The following GPATCH2 variants were observed in gnomAD, a reference collection of about 807,000 sequenced individuals.
GPATCH2 encodes the protein G-patch domain containing 2.
In GPATCH2, 51 loss-of-function variants were observed where a neutral mutation model predicts 58.0. The observed-to-expected ratio is 0.88, with a 90% CI of 0.70 to 1.11. The LOEUF (loss-of-function observed/expected upper bound fraction) is 1.11, where lower values mean the gene tolerates loss of function less well. Ranked by LOEUF, GPATCH2 falls within the 50% of genes most tolerant of loss-of-function variation. GPATCH2 has a pLI of 0.00. For missense variants in GPATCH2, 625 were observed against 652.2 expected (o/e 0.96, Z 0.45); for synonymous variants, 222 against 218.5 (o/e 1.02, Z -0.14).
chr1:217,518,671 T>C (rs952737861), intron 5 of GPATCH2, among the ~76,000 whole-genome samples: 2 of 152,242 alleles, frequency 1.3e-5, no homozygotes, highest in Non-Finnish European at 2.9e-5. Context: ...TTCTCAATGA[T>C]TGAGATTCCT....
intron 8 of GPATCH2, among the ~76,000 whole-genome samples, chr1:217,486,772 A>G (rs1417796569): frequency 3.3e-5 from 5 of 152,208 alleles, no homozygotes; most frequent in African/African-American, 9.7e-5. Flanking sequence ...AACCACAGTC[A>G]TCACACCCCA....
chr1:217,510,930 T>TA (rs1420464485), intron 6 of GPATCH2, among the ~76,000 whole-genome samples: 3 of 151,468 alleles, frequency 2.0e-5, no homozygotes, highest in Non-Finnish European at 4.4e-5. Context: ...CTGTATCCAC[T>TA]AAAAAAATAC....
At chr1:217,595,379 A>G (rs761736894) in intron 5 of GPATCH2, among the ~76,000 whole-genome samples, 6 of 152,240 alleles carry the variant, frequency 3.9e-5, no homozygotes, top group Non-Finnish European at 8.8e-5. Context: ...TGTTTTCAAA[A>G]GTAACATTCA....
chr1:217,571,936 AAAG>A (rs1666574937), intron 5 of GPATCH2, among the ~76,000 whole-genome samples: 1 of 149,634 alleles, frequency 6.7e-6, no homozygotes, highest in African/African-American at 2.5e-5. Flanking sequence ...ACAAAAGAAG[AAAG>A]AAAGAAAAGG....
rs376448144 is a variant in GPATCH2 at position 217,527,739 on chromosome 1, G to C, written c.1099-12850C>G. On this transcript the variant is annotated intron_variant, in intron 5 of 9. Transcript: ENST00000366935. ...CTATTAAATTCTACATTTAGTCCTAGAAAACAACAAGTCATTTGGTGGACC... is the reference window on the plus strand; with the variant it reads ...CTATTAAATTCTACATTTAGTCCTACAAAACAACAAGTCATTTGGTGGACC... Among the ~76,000 whole-genome samples the C allele has an allele frequency of 5.9e-5, 9 of 152,202 alleles. No homozygotes were observed. In the East Asian group the frequency reaches 1.7e-3, roughly 29 times the overall value.
At chr1:217,529,389 G>C (rs1204731863) in intron 5 of GPATCH2, among the ~76,000 whole-genome samples, 1 of 152,144 alleles carries the variant, frequency 6.6e-6, no homozygotes, top group African/African-American at 2.4e-5. Context: ...CCCTCTGCAT[G>C]GTAGTGAGTT....
At chr1:217,572,171 G>A (rs1666597344) in intron 5 of GPATCH2, among the ~76,000 whole-genome samples, 1 of 152,006 alleles carries the variant, frequency 6.6e-6, no homozygotes, top group Admixed American at 6.6e-5. Context: ...TATCTTACAG[G>A]CAAAAAGACT....
At chr1:217,496,627 A>T (rs1314897507) in intron 7 of GPATCH2, among the ~76,000 whole-genome samples, 4 of 152,200 alleles carry the variant, frequency 2.6e-5, no homozygotes, top group Non-Finnish European at 4.4e-5. Context: ...CATGAGTTAT[A>T]ATGCTGTTGG....
intron 5 of GPATCH2, among the ~76,000 whole-genome samples, chr1:217,539,629 T>C (rs1664635199): frequency 6.6e-6 from 1 of 152,238 alleles, no homozygotes; most frequent in African/African-American, 2.4e-5. Context: ...GATGAGTTAA[T>C]GCAAAGGTCA....
chr1:217,532,877 C>CTTTTTT, intron 5 of GPATCH2, among the ~76,000 whole-genome samples: 1 of 134,312 alleles, frequency 7.4e-6, no homozygotes, highest in East Asian at 2.2e-4. Flanking sequence ...TGCTCTTTAT[C>CTTTTTT]TTTTTTTTGT....
rs557381008 is a variant in GPATCH2, at chr1:217,427,140, T to C, written c.*4005A>G. ...AACTTTCCAAAAGGAAATGGAGTGA[T>C]TGTAACAGATTTGAACTCTGATACT... is the stretch of plus-strand genomic sequence containing the variant. On this transcript the variant is annotated 3_prime_UTR_variant, in exon 10 of 10. Transcript: ENST00000366935. The C allele has an allele frequency of 1.3e-5, 2 of 152,272 alleles. No individual in the cohort carries two copies. Among genetic ancestry groups the C allele is most frequent in the Non-Finnish European group, 2.9e-5 (2 of 68,026 alleles). The allele number at this position is 152,272 out of a possible 1,614,324, so 9.4% of individuals were successfully genotyped here. A position where few individuals can be genotyped will look rare whatever the true frequency, so the allele number is the denominator to read the frequency against.
chr1:217,616,717 C>G (rs185948093), intron 2 of GPATCH2, among the ~76,000 whole-genome samples: 1 of 152,130 alleles, frequency 6.6e-6, no homozygotes, highest in South Asian at 2.1e-4. Flanking sequence ...TCCAAAGACA[C>G]CCTTTCCTTG....
At chr1:217,568,700 G>A (rs546491518) in intron 5 of GPATCH2, among the ~76,000 whole-genome samples, 2 of 152,194 alleles carry the variant, frequency 1.3e-5, no homozygotes, top group Non-Finnish European at 2.9e-5. Context: ...TAGAAACTCA[G>A]AAAGATGGGG....
intron 8 of GPATCH2, among the ~76,000 whole-genome samples, chr1:217,468,865 A>G (rs1660593928): frequency 6.6e-6 from 1 of 152,038 alleles, no homozygotes; most frequent in Admixed American, 6.6e-5. Flanking sequence ...TAATAGACAC[A>G]ATGAGTTTAT....
rs369528972 is a variant in GPATCH2, at chr1:217,526,233, A to C, written c.1099-11344T>G. The stretch of plus-strand genomic sequence containing the variant: ...TAGTCTCAACACTTTTAAACTGACA[A>C]CTTAATATGGTTTATATTTAGCAAA... On this transcript the variant is annotated intron_variant, in intron 5 of 9. Transcript: ENST00000366935. 9.2e-5 allele frequency among the ~76,000 whole-genome samples: 14 copies of C among 152,294 alleles called. No homozygotes were observed. In the East Asian group the frequency reaches 2.7e-3, roughly 29 times the overall value.
chr1:217,627,042 T>C (rs1669501189), intron 1 of GPATCH2, among the ~76,000 whole-genome samples: 1 of 152,068 alleles, frequency 6.6e-6, no homozygotes, highest in Admixed American at 6.6e-5. Context: ...ATCAAGGCTA[T>C]GAATTTGGTA....
chr1:217,442,507 C>A (rs552917536), intron 9 of GPATCH2, among the ~76,000 whole-genome samples: 2 of 151,988 alleles, frequency 1.3e-5, no homozygotes, highest in African/African-American at 4.8e-5. Context: ...AAAACAAAAA[C>A]AAAAAACATT....
At chr1:217,480,243 G>A (rs1292329518) in intron 8 of GPATCH2, among the ~76,000 whole-genome samples, 3 of 151,778 alleles carry the variant, frequency 2.0e-5, no homozygotes, top group Non-Finnish European at 4.4e-5. Context: ...CTACCCACCT[G>A]ACAAAGGATT....
chr1:217,556,226 G>A (rs974581872), intron 5 of GPATCH2, among the ~76,000 whole-genome samples: 8 of 152,016 alleles, frequency 5.3e-5, no homozygotes, highest in Admixed American at 2.0e-4. Flanking sequence ...AAAACCACAC[G>A]AATAGTTTAA....
Sources: allele counts gnomAD v4.1 joint callset (sites outside exome capture counted in the v4.1 genomes callset), GRCh38; gene constraint gnomAD v4.1.1; transcripts MANE v1.5; gene names NCBI Gene and HGNC (gene_info 2026-07-23, HGNC 2026-07-21).